Variants in SUGCT observed in about 807,000 individuals in gnomAD.
SUGCT encodes the protein succinyl-CoA:glutarate CoA-transferase.
A neutral mutation model predicts 55.0 loss-of-function variants in SUGCT; 41 were observed. That is an observed-to-expected ratio of 0.74 (90% CI 0.58 to 0.97). The LOEUF is 0.97. Ranked by LOEUF, SUGCT falls within the 50% of genes least tolerant of loss-of-function variation. The probability of loss-of-function intolerance (pLI) is 0.00; values close to 1 mark genes in which losing one functional copy is unlikely to be tolerated. For synonymous variants in SUGCT, 187 were observed against 200.4 expected, an observed-to-expected ratio of 0.93 and a Z score of 0.56; for missense variants, 568 against 547.8, an observed-to-expected ratio of 1.04 and a Z score of -0.37.
chr7:40,697,353 G>A (rs73310281), intron 12 of SUGCT, among the ~76,000 whole-genome samples: 14,157 of 152,144 alleles, frequency 0.093, 991 homozygotes, highest in East Asian at 0.26. Context: ...TTGATGGCTG[G>A]GCCAGGTGCA....
chr7:40,265,317 G>T (rs1276460152), intron 7 of SUGCT, among the ~76,000 whole-genome samples: 2 of 152,170 alleles, frequency 1.3e-5, no homozygotes, highest in African/African-American at 4.8e-5. Context: ...TGTAACAAGA[G>T]AAAAATGCTT....
intron 13 of SUGCT, among the ~76,000 whole-genome samples, chr7:40,766,864 A>G (rs1482917214): frequency 1.3e-5 from 2 of 152,204 alleles, no homozygotes; most frequent in Admixed American, 6.5e-5. Flanking sequence ...TACTGGTATT[A>G]TTACTGTGTA....
At chr7:40,441,966 A>G (rs1788539463) in intron 9 of SUGCT, among the ~76,000 whole-genome samples, 1 of 152,068 alleles carries the variant, frequency 6.6e-6, no homozygotes, top group Non-Finnish European at 1.5e-5. Flanking sequence ...CTTCCTTCAT[A>G]TGACTCATGG....
intron 12 of SUGCT, among the ~76,000 whole-genome samples, chr7:40,660,716 T>C (rs1420940646): frequency 6.6e-6 from 1 of 152,222 alleles, no homozygotes; most frequent in East Asian, 1.9e-4. Context: ...AACAGAGTTG[T>C]GCCACCTCAG....
At chr7:40,955,383 C>T in the SUGCT span, among the ~76,000 whole-genome samples, 1 of 152,084 alleles carries the variant, frequency 6.6e-6, no homozygotes, top group African/African-American at 2.4e-5. Flanking sequence ...GTATTTTACT[C>T]TCTTTGTAGC....
intron 1 of SUGCT, chr7:40,153,562 T>C: frequency 2.1e-6 from 1 of 476,154 alleles, no homozygotes; most frequent in Non-Finnish European, 4.1e-6. Context: ...GGGCACATTT[T>C]GGACCTATCA....
At chr7:40,577,715 T>C (rs1022331666) in intron 12 of SUGCT, among the ~76,000 whole-genome samples, 1 of 152,170 alleles carries the variant, frequency 6.6e-6, no homozygotes. Context: ...TTCTGGAATT[T>C]CCCCTTCGCT....
intron 12 of SUGCT, among the ~76,000 whole-genome samples, chr7:40,510,805 A>C (rs1311938706): frequency 6.6e-6 from 1 of 152,202 alleles, no homozygotes; most frequent in Non-Finnish European, 1.5e-5. Context: ...GTAGAATTTC[A>C]ATTAATAAAC....
chr7:40,856,086 G>T (rs530299818), intron 13 of SUGCT, among the ~76,000 whole-genome samples: 18 of 152,224 alleles, frequency 1.2e-4, no homozygotes, highest in African/African-American at 4.3e-4. Context: ...CTCTTGGGAG[G>T]CAAAACAGAC....
intron 12 of SUGCT, among the ~76,000 whole-genome samples, chr7:40,504,306 G>A (rs1027075607): frequency 1.3e-5 from 2 of 152,130 alleles, no homozygotes; most frequent in African/African-American, 4.8e-5. Context: ...GTACTGCCTG[G>A]ATAATTTTGT....
chr7:40,862,966 C>T (rs559330391), downstream of SUGCT, among the ~76,000 whole-genome samples: 100 of 152,074 alleles, frequency 6.6e-4, no homozygotes, highest in African/African-American at 2.2e-3. Context: ...GGGTCAGGCA[C>T]GGTGGCTCAT....
At chr7:40,276,794 CAT>C (rs1491238735) in intron 8 of SUGCT, among the ~76,000 whole-genome samples, 14 of 129,674 alleles carry the variant, frequency 1.1e-4, no homozygotes, top group African/African-American at 2.0e-4. Flanking sequence ...TTGGGGTGTG[CAT>C]GTGTGTGTGT....
At chr7:40,766,648 C>G (rs944756598) in intron 13 of SUGCT, among the ~76,000 whole-genome samples, 2 of 152,106 alleles carry the variant, frequency 1.3e-5, no homozygotes, top group African/African-American at 4.8e-5. Flanking sequence ...CTGCCATATT[C>G]TCTTAGGGTA....
intron 13 of SUGCT, among the ~76,000 whole-genome samples, chr7:40,839,652 A>G (rs1793175514): frequency 1.3e-5 from 2 of 152,188 alleles, no homozygotes; most frequent in Admixed American, 6.5e-5. Flanking sequence ...GTGGTTACTG[A>G]GTAAAAGGTC....
At chr7:40,336,563 T>C (rs1796718833) in intron 9 of SUGCT, among the ~76,000 whole-genome samples, 1 of 152,218 alleles carries the variant, frequency 6.6e-6, no homozygotes, top group Non-Finnish European at 1.5e-5. Flanking sequence ...TCTCTGATGG[T>C]AGTTTGTATT....
At chr7:40,618,347 A>G (rs1207104285) in intron 12 of SUGCT, among the ~76,000 whole-genome samples, 3 of 152,178 alleles carry the variant, frequency 2.0e-5, no homozygotes, top group African/African-American at 7.2e-5. Flanking sequence ...CACAGTCCAC[A>G]TCTCACTCAA....
chr7:40,937,073 T>A, the SUGCT span, among the ~76,000 whole-genome samples: 6 of 152,246 alleles, frequency 3.9e-5, no homozygotes, highest in Non-Finnish European at 8.8e-5. Context: ...ATTCTGCTGT[T>A]GTTTGGTGGA....
intron 1 of SUGCT, among the ~76,000 whole-genome samples, chr7:40,172,251 A>C (rs1784713586): frequency 6.6e-6 from 1 of 152,040 alleles, no homozygotes; most frequent in Non-Finnish European, 1.5e-5. Context: ...GCTGGGTAGA[A>C]ATTGGGGGAG....
intron 12 of SUGCT, among the ~76,000 whole-genome samples, chr7:40,675,062 C>CTTTT (rs777227064): frequency 1.5e-5 from 2 of 135,404 alleles, no homozygotes; most frequent in African/African-American, 2.7e-5. Context: ...TTTCTAAAAT[C>CTTTT]TTTTTTTTTT....
Sources: allele counts gnomAD v4.1 joint callset (sites outside exome capture counted in the v4.1 genomes callset), GRCh38; gene constraint gnomAD v4.1.1; transcripts MANE v1.5; gene names NCBI Gene and HGNC (gene_info 2026-07-23, HGNC 2026-07-21).